XIRP2: variants seen among roughly 807,000 people sequenced by gnomAD.
XIRP2 encodes the protein xin actin-binding repeat-containing protein 2.
A neutral mutation model predicts 277.0 loss-of-function variants in XIRP2; 236 were observed. The ratio of observed to expected loss-of-function variants is 0.85; its 90% confidence interval spans 0.77 to 0.95. XIRP2 has a LOEUF of 0.95. Ranked by LOEUF, XIRP2 falls within the 40% of genes least tolerant of loss-of-function variation. XIRP2 has a pLI of 0.00. For synonymous variants in XIRP2, 1,490 were observed against 1,416.5 expected (o/e 1.05, Z -1.17); for missense variants, 4,640 against 4,157.5 (o/e 1.12, Z -3.19).
chr2:167,151,693 C>T (rs1012733508), intron 3 of XIRP2, among the ~76,000 whole-genome samples: 2 of 152,060 alleles, frequency 1.3e-5, no homozygotes, highest in African/African-American at 4.8e-5. Context: ...CAGTTTAAAA[C>T]GAAATGAAAA....
At chr2:167,231,401 G>T (rs2105417461) in intron 5 of XIRP2, among the ~76,000 whole-genome samples, 1 of 151,984 alleles carries the variant, frequency 6.6e-6, no homozygotes, top group East Asian at 1.9e-4. Context: ...CAAAAAATAA[G>T]CCCAAATCAG....
intron 2 of XIRP2, among the ~76,000 whole-genome samples, chr2:167,055,639 T>C (rs1180125435): frequency 6.6e-6 from 1 of 152,134 alleles, no homozygotes; most frequent in Non-Finnish European, 1.5e-5. Flanking sequence ...TATGCATAGT[T>C]TACCTAATAT....
intron 3 of XIRP2, among the ~76,000 whole-genome samples, chr2:167,156,993 C>A (rs1467475516): frequency 1.3e-5 from 2 of 152,050 alleles, no homozygotes; most frequent in African/African-American, 4.8e-5. Context: ...TCAATTCAAT[C>A]TAAAAATACC....
At chr2:167,116,312 A>G (rs1690894975) in intron 2 of XIRP2, among the ~76,000 whole-genome samples, 1 of 152,186 alleles carries the variant, frequency 6.6e-6, no homozygotes, top group Non-Finnish European at 1.5e-5. Context: ...CATATTTTGT[A>G]GCTCTGTTGA....
intron 2 of XIRP2, among the ~76,000 whole-genome samples, chr2:167,023,493 C>A (rs1399374668): frequency 1.7e-4 from 26 of 151,884 alleles, no homozygotes; most frequent in Admixed American, 1.6e-3. Context: ...TCTTTTGTTG[C>A]CATTGCTTTT....
At chr2:167,121,901 A>G (rs566564370) in intron 2 of XIRP2, among the ~76,000 whole-genome samples, 15 of 152,268 alleles carry the variant, frequency 9.9e-5, no homozygotes, top group Admixed American at 9.2e-4. Context: ...TATGAACGTG[A>G]CCTCTAAAGA....
In XIRP2 at chr2:167,246,125, G is replaced by T. The variant is rs758174344; in HGVS notation, c.4733G>T (p.Gly1578Val). 3.7e-6 allele frequency: 6 copies of T among 1,613,192 alleles called. No individual in the cohort carries two copies. Among genetic ancestry groups the T allele is most frequent in the Non-Finnish European group, 4.2e-6 (5 of 1,179,716 alleles). ...ATCATCATTGAAGCTGATGAAATAG[G>T]GGATGTTCGAATGGCAAAATACAAG... Reference protein sequence around the residue: ...PGIIIEADEIGDVRMAKYKLM... With the variant: ...PGIIIEADEIVDVRMAKYKLM... The change falls in exon 9 of 11, where the codon GGG becomes GTG. Residue 1578 changes from glycine (G) to valine (V), a missense_variant. Transcript: ENST00000409195.
rs959669872 is a variant in XIRP2, at chr2:166,953,248, T to C, written c.408+49358T>C. ...TGGTTTGGCTGTTTCCCCACCCAAA[T>C]CTCCTCTTGAATTGTAGCTCCCATA... On this transcript the variant is annotated intron_variant, in intron 2 of 10. Coordinates refer to ENST00000409195, the MANE Select transcript of XIRP2 (RefSeq NM_152381.6). Among the ~76,000 whole-genome samples the C allele has an allele frequency of 9.2e-5, 14 of 151,948 alleles. 1 individual carries two copies. In the East Asian group the frequency reaches 2.5e-3, roughly 28 times the overall value.
intron 5 of XIRP2, among the ~76,000 whole-genome samples, chr2:167,230,751 T>G (rs1032173863): frequency 6.6e-6 from 1 of 152,058 alleles, no homozygotes; most frequent in Non-Finnish European, 1.5e-5. Flanking sequence ...ATTATTCAAC[T>G]GTAAAGGGCC....
intron 4 of XIRP2, among the ~76,000 whole-genome samples, chr2:167,214,552 G>A (rs1694187684): frequency 1.3e-5 from 2 of 151,294 alleles, no homozygotes; most frequent in African/African-American, 4.9e-5. Flanking sequence ...GCGCAGGAAA[G>A]TAATGGGTAT....
chr2:167,128,711 G>A (rs1487677518), intron 2 of XIRP2, among the ~76,000 whole-genome samples: 1 of 151,688 alleles, frequency 6.6e-6, no homozygotes, highest in Non-Finnish European at 1.5e-5. Flanking sequence ...TCAAATTCAG[G>A]AAGCTTTCTC....
In XIRP2 at chr2:166,985,896, G is replaced by T. The variant is rs375540803; in HGVS notation, c.408+82006G>T. On this transcript the variant is annotated intron_variant, in intron 2 of 10. Coordinates refer to ENST00000409195, the MANE Select transcript of XIRP2 (RefSeq NM_152381.6). ...CTAAAATCAGGTGATCTCCTCATCT[G>T]GGAAGAAAAGATACAAGTCCAAGGC... Among the ~76,000 whole-genome samples the T allele has an allele frequency of 2.6e-5, 4 of 152,224 alleles. No homozygotes were observed. In the East Asian group the frequency reaches 7.7e-4, roughly 29 times the overall value.
intron 2 of XIRP2, among the ~76,000 whole-genome samples, chr2:167,001,567 G>T (rs990569090): frequency 6.6e-6 from 1 of 152,050 alleles, no homozygotes; most frequent in Non-Finnish European, 1.5e-5. Flanking sequence ...ATCAGTCAGT[G>T]GTCACCCAAT....
chr2:166,893,402 T>C (rs1166273666), intron 1 of XIRP2, among the ~76,000 whole-genome samples: 1 of 152,182 alleles, frequency 6.6e-6, no homozygotes, highest in Admixed American at 6.6e-5. Flanking sequence ...CTTGAACATA[T>C]GCATATATTT....
intron 2 of XIRP2, among the ~76,000 whole-genome samples, chr2:166,953,528 A>G (rs973351139): frequency 1.3e-5 from 2 of 151,966 alleles, no homozygotes; most frequent in African/African-American, 4.8e-5. Context: ...TTCAAGAGAA[A>G]TAGTTCAATT....
chr2:167,029,496 G>A (rs181030054), intron 2 of XIRP2, among the ~76,000 whole-genome samples: 8 of 152,238 alleles, frequency 5.3e-5, no homozygotes, highest in African/African-American at 1.7e-4. Context: ...CTGTTTATGT[G>A]ATGGAATACG....
chr2:167,243,714 T>A lies in XIRP2; in HGVS notation c.2322T>A (p.Phe774Leu). The change falls in exon 9 of 11, where the codon TTT becomes TTA. Residue 774 changes from phenylalanine (F) to leucine (L), a missense_variant. Transcript: ENST00000409195. ...ATGTAAGAACAGCACGGTGGATGTT[T>A]GAAACACAGCCGTTGGACACAATTA... ...KGDVRTARWM[F>L]ETQPLDTINK... The A allele has an allele frequency of 1.9e-6, 3 of 1,614,014 alleles. No homozygotes were observed. The East Asian group carries it at 6.7e-5, about 36-fold the overall frequency.
At chr2:166,891,703 G>T (rs11888113) in intron 1 of XIRP2, among the ~76,000 whole-genome samples, 31,863 of 151,848 alleles carry the variant, frequency 0.21, 4,001 homozygotes, top group Admixed American at 0.28. Flanking sequence ...AAAAATTGTT[G>T]TCTGATAATC....
At chr2:167,252,475 T>G (rs1169629031) in intron 9 of XIRP2, among the ~76,000 whole-genome samples, 3 of 152,008 alleles carry the variant, frequency 2.0e-5, no homozygotes, top group Non-Finnish European at 4.4e-5. Flanking sequence ...TATATTCAAC[T>G]ATTGCTACTG....
Sources: gnomAD v4.1 joint callset for allele counts (sites outside exome capture counted in the v4.1 genomes callset) on GRCh38, gnomAD v4.1.1 for gene constraint, MANE v1.5 for transcripts, NCBI Gene and HGNC (gene_info 2026-07-23, HGNC 2026-07-21) for gene names.